MSTO1: variants seen among roughly 807,000 people sequenced by gnomAD.
MSTO1 encodes the protein protein misato homolog 1.
Under a neutral mutation model 55.7 loss-of-function variants are expected in MSTO1, and 24 were observed. The ratio of observed to expected loss-of-function variants is 0.43; its 90% CI spans 0.31 to 0.61. MSTO1 has a LOEUF of 0.61. MSTO1 is among the 20% of genes least tolerant of loss of function. MSTO1 has a pLI of 0.09. For missense variants in MSTO1, 363 were observed against 625.7 expected (o/e 0.58, Z 4.48); for synonymous variants, 162 against 252.8 (o/e 0.64, Z 3.41).
At chr1:155,599,265 C>A in the MSTO1 span, among the ~76,000 whole-genome samples, 1 of 152,054 alleles carries the variant, frequency 6.6e-6, no homozygotes, top group East Asian at 1.9e-4. Context: ...GATATTACTG[C>A]CAAGCAGGTT....
At chr1:155,585,901 T>TC in the MSTO1 span, among the ~76,000 whole-genome samples, 1 of 152,000 alleles carries the variant, frequency 6.6e-6, no homozygotes, top group Non-Finnish European at 1.5e-5. Flanking sequence ...TATATATATA[T>TC]CCCCCAAATA....
chr1:155,564,702 T>G, the MSTO1 span, among the ~76,000 whole-genome samples: 2 of 152,240 alleles, frequency 1.3e-5, no homozygotes, highest in African/African-American at 4.8e-5. Flanking sequence ...ACCGATCTTT[T>G]GTTAGTTGCT....
chr1:155,563,497 G>T, the MSTO1 span: 1 of 456,552 alleles, frequency 2.2e-6, no homozygotes, highest in South Asian at 1.5e-5. Flanking sequence ...GCGTGGTGGT[G>T]TGCTTTTTGT....
Position 155,614,501 on chromosome 1 carries a change from A to G in MSTO1, c.*228A>G, listed in dbSNP as rs79379163. ...ACTCCACTCTCGATGCTACTTACAG[A>G]GGACATCTGTAAAGTCTTCATAAAA... is the stretch of plus-strand genomic sequence containing the variant. On this transcript the variant is annotated 3_prime_UTR_variant, in exon 14 of 14. Coordinates refer to ENST00000245564, the MANE Select transcript of MSTO1 (RefSeq NM_018116.4). 0.011 allele frequency: 7,105 copies of G among 654,042 alleles called. 513 individuals are homozygous for G. The East Asian group carries it at 0.17, about 15-fold the overall frequency. 40.5% of individuals were successfully genotyped at this position (654,042 alleles called of 1,614,324 possible).
chr1:155,578,986 A>G, the MSTO1 span, among the ~76,000 whole-genome samples: 4 of 151,324 alleles, frequency 2.6e-5, no homozygotes, highest in African/African-American at 9.7e-5. Context: ...AATAATTGAA[A>G]AGCTGTCATG....
chr1:155,614,063 G>A lies in MSTO1; in HGVS notation c.1503G>A (p.Val501=), dbSNP rs552948798. The A allele has an allele frequency of 2.1e-6, 3 of 1,445,898 alleles. No homozygotes were observed. The highest frequency in any genetic ancestry group is 2.9e-5 in the African/African-American group (2 of 69,904). The allele number at this position is 1,445,898 out of a possible 1,614,324, so 89.6% of individuals were successfully genotyped here. A position where few individuals can be genotyped will look rare whatever the true frequency, so the allele number is the denominator to read the frequency against. ...VLDGSPKGAA[V]ESIPVFGALC... Reference sequence around the variant, plus strand: ...CTGTTTCCTCTCCCTCCACAGCAGTGGAGAGCATCCCAGTGTTTGGGGCAC... The same window carrying A: ...CTGTTTCCTCTCCCTCCACAGCAGTAGAGAGCATCCCAGTGTTTGGGGCAC... The change falls in exon 14 of 14, where the codon GTG becomes GTA. Residue 501 remains valine, a synonymous_variant. Transcript: ENST00000245564.
the MSTO1 span, among the ~76,000 whole-genome samples, chr1:155,598,178 C>T: frequency 3.8e-3 from 565 of 149,296 alleles, 5 homozygotes; most frequent in African/African-American, 0.013. Flanking sequence ...AGTGCAATGA[C>T]GCATCTCAGC....
chr1:155,607,238 G>C (rs1351449695), upstream of MSTO1, among the ~76,000 whole-genome samples: 3 of 151,420 alleles, frequency 2.0e-5, no homozygotes, highest in Non-Finnish European at 4.4e-5. Flanking sequence ...GCTATGGCGC[G>C]ATCTTGGCTC....
At chr1:155,609,217 G>GTGTATA (rs1217015414), upstream of MSTO1, among the ~76,000 whole-genome samples, 4 of 84,516 alleles carry the variant, frequency 4.7e-5, no homozygotes, top group African/African-American at 1.8e-4. Flanking sequence ...ATTATCAGCA[G>GTGTATA]TATATATATA....
chr1:155,587,257 A>G, the MSTO1 span, among the ~76,000 whole-genome samples: 1 of 151,626 alleles, frequency 6.6e-6, no homozygotes, highest in East Asian at 1.9e-4. Context: ...CATAGCCAAC[A>G]TGGGGAAACC....
At chr1:155,590,104 G>A in the MSTO1 span, among the ~76,000 whole-genome samples, 4 of 152,090 alleles carry the variant, frequency 2.6e-5, no homozygotes, top group Non-Finnish European at 5.9e-5. Flanking sequence ...CATCCAGGAC[G>A]GAGGAGCCAG....
the MSTO1 span, among the ~76,000 whole-genome samples, chr1:155,580,454 C>T: frequency 6.6e-6 from 1 of 151,730 alleles, no homozygotes; most frequent in African/African-American, 2.4e-5. Flanking sequence ...AGGATCATTT[C>T]GGCCTGAGAG....
At chr1:155,583,835 T>C in the MSTO1 span, among the ~76,000 whole-genome samples, 1 of 152,116 alleles carries the variant, frequency 6.6e-6, no homozygotes, top group African/African-American at 2.4e-5. Flanking sequence ...GCTCTTCCAG[T>C]AGTGGTTGTG....
chr1:155,601,786 A>C, the MSTO1 span, among the ~76,000 whole-genome samples: 4 of 151,706 alleles, frequency 2.6e-5, no homozygotes, highest in Admixed American at 6.6e-5. Flanking sequence ...ACGGAGTCTC[A>C]CTCTGTCACC....
chr1:155,608,440 C>A (rs1481066943), upstream of MSTO1, among the ~76,000 whole-genome samples: 1 of 152,148 alleles, frequency 6.6e-6, no homozygotes, highest in African/African-American at 2.4e-5. Context: ...TCAGCCTCAC[C>A]AAAACGTGGG....
At chr1:155,588,300 G>A in the MSTO1 span, among the ~76,000 whole-genome samples, 1 of 151,812 alleles carries the variant, frequency 6.6e-6, no homozygotes, top group Non-Finnish European at 1.5e-5. Flanking sequence ...CATTCTGCTG[G>A]TTTACTTCAT....
chr1:155,613,355 A>G (rs1674762351), intron 11 of MSTO1, 107 bp from the exon 12 acceptor site: 4 of 1,570,526 alleles, frequency 2.5e-6, no homozygotes, highest in African/African-American at 2.8e-5. Flanking sequence ...AGGAAAAAAA[A>G]AAGGGCTTTG....
At chr1:155,602,214 C>G in the MSTO1 span, 1 of 629,894 alleles carries the variant, frequency 1.6e-6, no homozygotes, top group Admixed American at 2.0e-5. Flanking sequence ...CTTTGTGGCT[C>G]ACACCTGTAA....
At chr1:155,575,796 T>TTTATTTA in the MSTO1 span, among the ~76,000 whole-genome samples, 2 of 144,660 alleles carry the variant, frequency 1.4e-5, no homozygotes, top group African/African-American at 2.6e-5. Context: ...CTTATTTTAT[T>TTTATTTA]TTTATTTATT....
Sources: allele counts gnomAD v4.1 joint callset (sites outside exome capture counted in the v4.1 genomes callset), GRCh38; gene constraint gnomAD v4.1.1; transcripts MANE v1.5; gene names NCBI Gene and HGNC (gene_info 2026-07-23, HGNC 2026-07-21).